Variants in PLAC9 observed in about 807,000 individuals in gnomAD.
PLAC9 encodes the protein placenta-specific protein 9.
Under a neutral mutation model 11.5 loss-of-function variants are expected in PLAC9, and 12 were observed. The ratio of observed to expected loss-of-function variants is 1.05; its 90% CI spans 0.67 to 1.69. The LOEUF (loss-of-function observed/expected upper bound fraction) is 1.69, where lower values mean the gene tolerates loss of function less well. Ranked by LOEUF, PLAC9 falls within the 40% of genes most tolerant of loss-of-function variation. The probability of loss-of-function intolerance (pLI) is 0.00; values close to 1 mark genes in which losing one functional copy is unlikely to be tolerated. For missense variants in PLAC9, 132 were observed against 130.5 expected (o/e 1.01, Z -0.06); for synonymous variants, 62 against 58.1 (o/e 1.07, Z -0.31).
chr10:80,136,062 T>C (rs1039905795), intron 1 of PLAC9, among the ~76,000 whole-genome samples: 4 of 152,126 alleles, frequency 2.6e-5, no homozygotes, highest in African/African-American at 9.7e-5. Flanking sequence ...GGTCTCCCCA[T>C]AAGGCCTGTA....
In PLAC9 at chr10:80,134,087, CA is replaced by C. The variant is rs556770627; in HGVS notation, c.64+1268del. On this transcript the variant is annotated intron_variant, in intron 1 of 3. Coordinates refer to ENST00000372263, the MANE Select transcript of PLAC9 (RefSeq NM_001012973.3). ...TTTTGATTATGAAAACTTTTGGATA[CA>C]AAAAAATACAAAGTAATAGTATGTG... 1.8e-3 allele frequency among the ~76,000 whole-genome samples: 267 copies of C among 151,652 alleles called. 3 individuals carry two copies. Among genetic ancestry groups the C allele is most frequent in the Non-Finnish European group, 3.1e-3 (210 of 67,910 alleles).
At chr10:80,141,759 G>A (rs1439872280) in intron 1 of PLAC9, among the ~76,000 whole-genome samples, 1 of 152,116 alleles carries the variant, frequency 6.6e-6, no homozygotes, top group Non-Finnish European at 1.5e-5. Context: ...CGGGCTCCCT[G>A]CAGGTTTTGC....
chr10:80,137,482 G>A (rs189254922), intron 1 of PLAC9, among the ~76,000 whole-genome samples: 69 of 152,310 alleles, frequency 4.5e-4, no homozygotes, highest in African/African-American at 1.7e-3. Context: ...AGCCAGCAGG[G>A]GGGTATGTGT....
Position 80,145,209 on chromosome 10 carries a change from G to C in PLAC9, c.*299G>C. ...TCACACAGATGGGGGCCCTTTGAGT[G>C]GCCTTGCTTCTCAAAATGTGGCCAT... On this transcript the variant is annotated 3_prime_UTR_variant, in exon 4 of 4. Coordinates refer to ENST00000372263, the MANE Select transcript of PLAC9 (RefSeq NM_001012973.3). 1 of 537,204 alleles carries C rather than the reference G, an allele frequency of 1.9e-6. No individual in the cohort carries two copies. The highest frequency in any genetic ancestry group is 3.3e-6 in the Non-Finnish European group (1 of 306,434). The allele number at this position is 537,204 out of a possible 1,614,324, so 33.3% of individuals were successfully genotyped here. A position where few individuals can be genotyped will look rare whatever the true frequency, so the allele number is the denominator to read the frequency against.
intron 1 of PLAC9, among the ~76,000 whole-genome samples, chr10:80,137,310 C>T (rs1031764158): frequency 6.6e-6 from 1 of 152,208 alleles, no homozygotes; most frequent in East Asian, 1.9e-4. Context: ...TGGAGGGGAG[C>T]AGGCTCTGGT....
upstream of PLAC9, chr10:80,132,464 C>T: frequency 2.6e-6 from 1 of 380,856 alleles, no homozygotes; most frequent in Non-Finnish European, 4.7e-6. Flanking sequence ...ACCCAATGCC[C>T]CCCGCCCCGC....
Position 80,137,399 on chromosome 10 carries a change from G to A in PLAC9, c.64+4573G>A, listed in dbSNP as rs532769118. On this transcript the variant is annotated intron_variant, in intron 1 of 3. Coordinates refer to ENST00000372263, the MANE Select transcript of PLAC9 (RefSeq NM_001012973.3). ...CATCCCCCTGGCCTGAGCCTTACAC[G>A]GGAGAGTGGCTAGGGTCTGGGAGAG... 3.3e-5 allele frequency among the ~76,000 whole-genome samples: 5 copies of A among 152,294 alleles called. No individual in the cohort carries two copies. The South Asian group carries it at 6.2e-4, about 19-fold the overall frequency.
At chr10:80,132,211 T>G (rs1415673689), upstream of PLAC9, among the ~76,000 whole-genome samples, 1 of 152,186 alleles carries the variant, frequency 6.6e-6, no homozygotes, top group Non-Finnish European at 1.5e-5. Context: ...ACCAGAGCAG[T>G]GAGTTTCTGG....
chr10:80,144,441 CTGG>C, intron 3 of PLAC9, 98 bp downstream of exon 3: 1 of 1,421,960 alleles, frequency 7.0e-7, no homozygotes, highest in Non-Finnish European at 9.2e-7. Context: ...CAGGTGTAGC[CTGG>C]CTGGCAGGGA....
At chr10:80,143,416 G>A (rs150561810) in intron 2 of PLAC9, among the ~76,000 whole-genome samples, 1 of 27,546 alleles carries the variant, frequency 3.6e-5, no homozygotes, top group Non-Finnish European at 7.3e-5. Context: ...TTTTTTTTTT[G>A]AGGCAGAGTC....
chr10:80,143,919 G>C (rs1220139950), intron 2 of PLAC9: 1 of 365,080 alleles, frequency 2.7e-6, no homozygotes, highest in South Asian at 2.8e-5. Flanking sequence ...AACAACAAAA[G>C]GAATGTGAGC....
intron 1 of PLAC9, among the ~76,000 whole-genome samples, chr10:80,139,759 T>A (rs1845019165): frequency 6.6e-6 from 1 of 151,966 alleles, no homozygotes; most frequent in Non-Finnish European, 1.5e-5. Flanking sequence ...TAACTTAAAA[T>A]TTTTTTTCTT....
Position 80,145,107 on chromosome 10 carries a change from T to A in PLAC9, c.*197T>A. The A allele has an allele frequency of 5.4e-6, 4 of 744,558 alleles. No homozygotes were observed. Among genetic ancestry groups the A allele is most frequent in the Non-Finnish European group, 9.3e-6 (4 of 428,760 alleles). 46.1% of individuals were successfully genotyped at this position (744,558 alleles called of 1,614,324 possible). ...TCCACTTCCATGCCTGGAGGAAGCCTGCAACCCCCTCCAGGCTCAGACCTG... is the reference window on the plus strand; with the variant it reads ...TCCACTTCCATGCCTGGAGGAAGCCAGCAACCCCCTCCAGGCTCAGACCTG... On this transcript the variant is annotated 3_prime_UTR_variant, in exon 4 of 4. Coordinates refer to ENST00000372263, the MANE Select transcript of PLAC9 (RefSeq NM_001012973.3).
At position 80,144,212 on chromosome 10, in the gene PLAC9, T is replaced by C. The variant is rs994603502; in HGVS notation, c.163-11T>C. On this transcript the variant is annotated splice_polypyrimidine_tract_variant and intron_variant, in intron 2 of 3. Coordinates refer to ENST00000372263, the MANE Select transcript of PLAC9 (RefSeq NM_001012973.3). ...CTTCTGTCCTCGACTTTACCCCACT[T>C]CCCACTCTAGATGGTAGAGAAGACC... 6.2e-7 allele frequency: 1 copy of C among 1,613,902 alleles called. No individual in the cohort carries two copies. The highest frequency in any genetic ancestry group is 8.5e-7 in the Non-Finnish European group (1 of 1,180,006).
intron 3 of PLAC9, among the ~76,000 whole-genome samples, 188 bp from the exon 4 acceptor site, chr10:80,144,712 G>A (rs1201927230): frequency 6.6e-6 from 1 of 152,186 alleles, no homozygotes; most frequent in Non-Finnish European, 1.5e-5. Context: ...AACTCTCGCA[G>A]GGAAGACGGG....
In PLAC9 at chr10:80,144,068, G is replaced by A; in HGVS notation, c.163-155G>A. Reference sequence around the variant, plus strand: ...CATCTGGGGAAACTGAGGCAGGTAGGGGCAGAGCCTGAGTGAGGAAAACCC... The same window carrying A: ...CATCTGGGGAAACTGAGGCAGGTAGAGGCAGAGCCTGAGTGAGGAAAACCC... On this transcript the variant is annotated intron_variant, in intron 2 of 3. Coordinates refer to ENST00000372263, the MANE Select transcript of PLAC9 (RefSeq NM_001012973.3). The A allele has an allele frequency of 5.1e-6, 5 of 971,370 alleles. No homozygotes were observed. In the South Asian group the frequency reaches 7.2e-5, roughly 14 times the overall value. The allele number at this position is 971,370 out of a possible 1,614,324, so 60.2% of individuals were successfully genotyped here. A position where few individuals can be genotyped will look rare whatever the true frequency, so the allele number is the denominator to read the frequency against.
At position 80,132,733 on chromosome 10, in the gene PLAC9, C is replaced by T. The variant is rs1348250901; in HGVS notation, c.-30C>T. On this transcript the variant is annotated 5_prime_UTR_variant, in exon 1 of 4. The change creates a new upstream start codon in the 5' untranslated region. Transcript: ENST00000372263. ...TCCGGGAAGGGCGGCTGCGGGCAGACGCGGCGCTGCGCTCGGCCAGGCCGG... is the reference window on the plus strand; with the variant it reads ...TCCGGGAAGGGCGGCTGCGGGCAGATGCGGCGCTGCGCTCGGCCAGGCCGG... 7 of 1,444,820 alleles carry T rather than the reference C, an allele frequency of 4.8e-6. No homozygotes were observed. Among genetic ancestry groups the T allele is most frequent in the Non-Finnish European group, 6.3e-6 (7 of 1,107,562 alleles). 89.5% of individuals were successfully genotyped at this position (1,444,820 alleles called of 1,614,324 possible).
intron 1 of PLAC9, among the ~76,000 whole-genome samples, chr10:80,141,620 A>G (rs1197284315): frequency 6.6e-6 from 1 of 151,920 alleles, no homozygotes; most frequent in African/African-American, 2.4e-5. Flanking sequence ...ACAAACACAC[A>G]AAAAAACAAA....
At chr10:80,138,170 AC>A (rs1489144908) in intron 1 of PLAC9, among the ~76,000 whole-genome samples, 1 of 152,002 alleles carries the variant, frequency 6.6e-6, no homozygotes, top group Non-Finnish European at 1.5e-5. Flanking sequence ...CGCTGAATGC[AC>A]CCCCATTTGC....
Sources: allele counts gnomAD v4.1 joint callset (sites outside exome capture counted in the v4.1 genomes callset), GRCh38; gene constraint gnomAD v4.1.1; transcripts MANE v1.5; gene names NCBI Gene and HGNC (gene_info 2026-07-23, HGNC 2026-07-21).